WDR82: variants seen among roughly 807,000 people sequenced by gnomAD.
WDR82 encodes WD repeat-containing protein 82.
In WDR82, 8 loss-of-function variants were observed where a neutral mutation model predicts 36.1. The ratio of observed to expected loss-of-function variants is 0.22; its 90% CI spans 0.13 to 0.40. The LOEUF (loss-of-function observed/expected upper bound fraction) is 0.40, where lower values mean the gene tolerates loss of function less well. Among genes scored for constraint, WDR82 ranks in the 10% least tolerant of loss-of-function variants. WDR82 has a pLI of 1.00. For missense variants in WDR82, 185 were observed against 400.5 expected (o/e 0.46, Z 4.59); for synonymous variants, 129 against 137.8 (o/e 0.94, Z 0.45).
chr3:52,260,572 G>T (rs1232861247), intron 4 of WDR82, 71 bp from the exon 5 acceptor site: 22 of 1,049,558 alleles, frequency 2.1e-5, no homozygotes, highest in Non-Finnish European at 3.0e-5. Flanking sequence ...ACCAAAGACT[G>T]CTGGTACAAT....
chr3:52,266,191 G>T (rs917410773), intron 3 of WDR82, among the ~76,000 whole-genome samples: 1 of 151,972 alleles, frequency 6.6e-6, no homozygotes, highest in African/African-American at 2.4e-5. Context: ...TCTTTAAATG[G>T]AACATTTTTA....
chr3:52,259,084 C>T (rs1029199630), intron 7 of WDR82, 113 bp downstream of exon 7: 2 of 1,244,684 alleles, frequency 1.6e-6, no homozygotes, highest in Non-Finnish European at 2.3e-6. Flanking sequence ...ATGTGCTATA[C>T]AGAAATCTAA....
At chr3:52,257,759 C>T (rs1700026072) in intron 8 of WDR82, among the ~76,000 whole-genome samples, 1 of 152,160 alleles carries the variant, frequency 6.6e-6, no homozygotes, top group African/African-American at 2.4e-5. Flanking sequence ...GCAGACCCCC[C>T]GCCCCCTTTT....
In WDR82 at chr3:52,257,213, T is replaced by C. The variant is rs997247729; in HGVS notation, c.*277A>G. Reference sequence around the variant, plus strand: ...TGCTTGAGAGCCCCACTATACCAAATCGTGAGTCTGGTCACTCCTCCAGCA... The same window carrying C: ...TGCTTGAGAGCCCCACTATACCAAACCGTGAGTCTGGTCACTCCTCCAGCA... On this transcript the variant is annotated 3_prime_UTR_variant, in exon 9 of 9. Coordinates refer to ENST00000296490, the MANE Select transcript of WDR82 (RefSeq NM_025222.4). 13 of 515,190 alleles carry C rather than the reference T, an allele frequency of 2.5e-5. No individual in the cohort carries two copies. The highest frequency in any genetic ancestry group is 1.0e-4 in the Admixed American group (3 of 29,506). The allele number at this position is 515,190 out of a possible 1,614,324, so 31.9% of individuals were successfully genotyped here.
At chr3:52,259,684 G>A in intron 6 of WDR82, 33 bp downstream of exon 6, 4 of 1,593,768 alleles carry the variant, frequency 2.5e-6, no homozygotes, top group Non-Finnish European at 3.4e-6. Flanking sequence ...GTATGAGCAT[G>A]GAAACAGCCA....
intron 1 of WDR82, among the ~76,000 whole-genome samples, chr3:52,271,283 T>C (rs769531609): frequency 1.3e-5 from 2 of 152,230 alleles, no homozygotes; most frequent in Non-Finnish European, 2.9e-5. Flanking sequence ...TATATTATAA[T>C]TGCCTACAGT....
chr3:52,261,505 G>A (rs776753400), intron 3 of WDR82, 26 bp from the exon 4 acceptor site: 46 of 1,596,894 alleles, frequency 2.9e-5, no homozygotes, highest in Non-Finnish European at 3.9e-5. Context: ...ATAAATAGGA[G>A]TTGATGCGAA....
Position 52,257,032 on chromosome 3 carries a change from C to T in WDR82, c.*458G>A, listed in dbSNP as rs937660278. The T allele has an allele frequency of 1.6e-4, 27 of 165,590 alleles. No individual in the cohort carries two copies. Among genetic ancestry groups the T allele is most frequent in the Middle Eastern group, 3.0e-3 (1 of 336 alleles). 10.3% of individuals were successfully genotyped at this position (165,590 alleles called of 1,614,324 possible). ...TAATGCCACAAGTACACAGGGAGAC[C>T]CAGTAACAAGACATGCAGGGTGAGG... On this transcript the variant is annotated 3_prime_UTR_variant, in exon 9 of 9. Transcript: ENST00000296490.
chr3:52,265,299 CAAAAAAAAAAAAAAAA>C (rs869189597), intron 3 of WDR82, among the ~76,000 whole-genome samples: 32 of 43,808 alleles, frequency 7.3e-4, no homozygotes, highest in South Asian at 3.8e-3. Flanking sequence ...GACTCTGTCT[CAAAAAAAAAAAAAAAA>C]AAAAAAAAAA....
At chr3:52,273,401 G>A (rs909765103) in intron 1 of WDR82, among the ~76,000 whole-genome samples, 7 of 151,026 alleles carry the variant, frequency 4.6e-5, no homozygotes, top group Admixed American at 2.0e-4. Context: ...ATTGTACTCC[G>A]ACCTGGGCAA....
At chr3:52,272,301 T>C (rs1335867123) in intron 1 of WDR82, among the ~76,000 whole-genome samples, 1 of 152,222 alleles carries the variant, frequency 6.6e-6, no homozygotes, top group African/African-American at 2.4e-5. Context: ...CTCAGCACTT[T>C]GGGAGGCCGA....
At position 52,255,172 on chromosome 3, in the gene WDR82, C is replaced by A. The variant is rs1699994543; in HGVS notation, c.*2318G>T. On this transcript the variant is annotated 3_prime_UTR_variant, in exon 9 of 9. Coordinates refer to ENST00000296490, the MANE Select transcript of WDR82 (RefSeq NM_025222.4). ...GGTCAGGCTGGTCTCAAACTCCCGA[C>A]CTCCGGTGATCCGCCCGCCTCGGCC... is the stretch of plus-strand genomic sequence containing the variant. 1 of 152,194 alleles carries A rather than the reference C, an allele frequency of 6.6e-6. No homozygotes were observed. The highest frequency in any genetic ancestry group is 6.5e-5 in the Admixed American group (1 of 15,272). 9.4% of individuals were successfully genotyped at this position (152,194 alleles called of 1,614,324 possible).
In WDR82 at chr3:52,260,505, A is replaced by C. The variant is rs1700051632; in HGVS notation, c.427-4T>G. ...TCCCCTGCAGATGCATGAGGCCCTA[A>C]GAGAAAAGAAATAAGAAATACACTA... On this transcript the variant is annotated splice_region_variant and splice_polypyrimidine_tract_variant and intron_variant, in intron 4 of 8. Transcript: ENST00000296490. 10 of 1,559,094 alleles carry C rather than the reference A, an allele frequency of 6.4e-6. No individual in the cohort carries two copies. The highest frequency in any genetic ancestry group is 8.6e-6 in the Non-Finnish European group (10 of 1,160,302).
chr3:52,274,985 G>A (rs1189110265), intron 1 of WDR82, among the ~76,000 whole-genome samples: 1 of 152,226 alleles, frequency 6.6e-6, no homozygotes, highest in African/African-American at 2.4e-5. Context: ...CACTTTGGGA[G>A]GCCGAGGCGG....
chr3:52,255,849 C>T lies in WDR82; in HGVS notation c.*1641G>A, dbSNP rs567038011. 3.9e-5 allele frequency: 6 copies of T among 152,382 alleles called. No homozygotes were observed. The highest frequency in any genetic ancestry group is 1.4e-4 in the African/African-American group (6 of 41,570). 9.4% of individuals were successfully genotyped at this position (152,382 alleles called of 1,614,324 possible). On this transcript the variant is annotated 3_prime_UTR_variant, in exon 9 of 9. Transcript: ENST00000296490. ...CATGAGCCAGCTGCAGCTCATCTCA[C>T]TCAGCCTGGGCCTGACCAGAGTCCT...
intron 1 of WDR82, among the ~76,000 whole-genome samples, chr3:52,271,924 T>C (rs534333938): frequency 9.9e-5 from 15 of 152,218 alleles, no homozygotes; most frequent in Admixed American, 9.8e-4. Context: ...ACCCCGTCTC[T>C]ACTAAAAATA....
chr3:52,255,497 C>G lies in WDR82; in HGVS notation c.*1993G>C, dbSNP rs1699998052. The G allele has an allele frequency of 6.6e-6, 1 of 152,070 alleles. No individual in the cohort carries two copies. The highest frequency in any genetic ancestry group is 1.5e-5 in the Non-Finnish European group (1 of 68,022). 9.4% of individuals were successfully genotyped at this position (152,070 alleles called of 1,614,324 possible). The stretch of plus-strand genomic sequence containing the variant: ...ATCATTTGGTTTCTAAAAGTTCTTC[C>G]TCTCTGGGAAAGCAGAACTATACAG... On this transcript the variant is annotated 3_prime_UTR_variant, in exon 9 of 9. Coordinates refer to ENST00000296490, the MANE Select transcript of WDR82 (RefSeq NM_025222.4).
At chr3:52,266,272 G>A (rs535301654) in intron 3 of WDR82, among the ~76,000 whole-genome samples, 1 of 152,164 alleles carries the variant, frequency 6.6e-6, no homozygotes, top group South Asian at 2.1e-4. Context: ...CCTTTATTAA[G>A]GGATATGTGA....
chr3:52,277,518 T>G (rs1313872238), intron 1 of WDR82, among the ~76,000 whole-genome samples: 3 of 152,166 alleles, frequency 2.0e-5, no homozygotes, highest in Non-Finnish European at 4.4e-5. Flanking sequence ...CCAAGTTCGT[T>G]TGTGTGTGGC....
Sources: allele counts gnomAD v4.1 joint callset (sites outside exome capture counted in the v4.1 genomes callset), GRCh38; gene constraint gnomAD v4.1.1; transcripts MANE v1.5; gene names NCBI Gene and HGNC (gene_info 2026-07-23, HGNC 2026-07-21).